RALGAPB: variants seen among roughly 807,000 people sequenced by gnomAD.
RALGAPB encodes the protein Ral GTPase activating protein non-catalytic subunit beta, also known as ral GTPase-activating protein subunit beta.
A neutral mutation model predicts 161.1 loss-of-function variants in RALGAPB; 25 were observed. That is an observed-to-expected ratio of 0.16 (90% CI 0.11 to 0.22). RALGAPB has a LOEUF of 0.22. Ranked by LOEUF, RALGAPB falls within the 10% of genes least tolerant of loss-of-function variation. RALGAPB has a pLI of 1.00. For synonymous variants in RALGAPB, 629 were observed against 626.1 expected, an observed-to-expected ratio of 1.00 and a Z score of -0.07; for missense variants, 1,391 against 1,815.2, an observed-to-expected ratio of 0.77 and a Z score of 4.25.
At chr20:38,506,087 A>C (rs1233483220) in intron 5 of RALGAPB, among the ~76,000 whole-genome samples, 1 of 152,212 alleles carries the variant, frequency 6.6e-6, no homozygotes, top group African/African-American at 2.4e-5. Flanking sequence ...ATCTGTGCAA[A>C]TGAAGGGATG....
intron 16 of RALGAPB, among the ~76,000 whole-genome samples, chr20:38,537,429 C>CT (rs2086840546): frequency 6.6e-6 from 1 of 152,186 alleles, no homozygotes; most frequent in Admixed American, 6.5e-5. Context: ...CCAGTCTGGG[C>CT]AACATAGTGA....
intron 7 of RALGAPB, 107 bp downstream of exon 7, chr20:38,516,477 T>G (rs1378453874): frequency 4.5e-6 from 5 of 1,101,788 alleles, no homozygotes; most frequent in Non-Finnish European, 6.2e-6. Flanking sequence ...GATGAACAGA[T>G]TTGATGACAA....
rs142356310 is a variant in RALGAPB, at chr20:38,550,349, A to T, written c.3010-722A>T. Among the ~76,000 whole-genome samples the T allele has an allele frequency of 2.1e-3, 323 of 152,350 alleles. 1 individual carries two copies. The highest frequency in any genetic ancestry group is 7.3e-3 in the African/African-American group (304 of 41,584). On this transcript the variant is annotated intron_variant, in intron 20 of 29. Coordinates refer to ENST00000262879, the MANE Select transcript of RALGAPB (RefSeq NM_020336.4). Reference sequence around the variant, plus strand: ...AAATGTGACTTAATATTTCACTAGCATTTGAGAGACACCACAAAATTGGAG... The same window carrying T: ...AAATGTGACTTAATATTTCACTAGCTTTTGAGAGACACCACAAAATTGGAG...
intron 13 of RALGAPB, among the ~76,000 whole-genome samples, chr20:38,529,102 T>C (rs1217049028): frequency 6.6e-6 from 1 of 152,210 alleles, no homozygotes; most frequent in African/African-American, 2.4e-5. Context: ...GATCCACATA[T>C]AACTTTTTGA....
At chr20:38,490,468 A>G (rs551804421) in intron 2 of RALGAPB, among the ~76,000 whole-genome samples, 16 of 150,972 alleles carry the variant, frequency 1.1e-4, no homozygotes, top group African/African-American at 3.2e-4. Context: ...TCGGCCTCCC[A>G]AAGTGCTGGT....
rs1568947049 is a variant in RALGAPB, at chr20:38,531,154, A to T, written c.2051-13A>T. On this transcript the variant is annotated splice_polypyrimidine_tract_variant and intron_variant, in intron 13 of 29. Coordinates refer to ENST00000262879, the MANE Select transcript of RALGAPB (RefSeq NM_020336.4). Reference sequence around the variant, plus strand: ...TGTATTTTATATAAAATACTGTTTTATTGTTGTTGTAGGGGCAATGTTAAA... The same window carrying T: ...TGTATTTTATATAAAATACTGTTTTTTTGTTGTTGTAGGGGCAATGTTAAA... The T allele has an allele frequency of 6.3e-7, 1 of 1,590,620 alleles. No homozygotes were observed. The highest frequency in any genetic ancestry group is 1.7e-5 in the Admixed American group (1 of 59,688).
chr20:38,491,944 A>G (rs915509305), intron 2 of RALGAPB, among the ~76,000 whole-genome samples: 2 of 152,102 alleles, frequency 1.3e-5, no homozygotes, highest in Non-Finnish European at 2.9e-5. Context: ...ATTTGTCTCA[A>G]AGTTTTGTCT....
intron 15 of RALGAPB, 69 bp from the exon 16 acceptor site, chr20:38,535,005 G>C: frequency 6.5e-7 from 1 of 1,538,706 alleles, no homozygotes. Context: ...AGTGGATGCT[G>C]TGCTTCTCGT....
intron 5 of RALGAPB, among the ~76,000 whole-genome samples, chr20:38,501,972 A>G (rs1600870099): frequency 1.3e-5 from 2 of 152,376 alleles, no homozygotes; most frequent in Non-Finnish European, 2.9e-5. Flanking sequence ...CAAATGTATT[A>G]TACTAAATTA....
intron 18 of RALGAPB, among the ~76,000 whole-genome samples, chr20:38,542,119 A>T (rs2086991257): frequency 6.6e-6 from 1 of 152,228 alleles, no homozygotes. Context: ...AGGTGGAACC[A>T]TAGTACACGT....
At chr20:38,562,725 G>A in intron 24 of RALGAPB, 28 bp downstream of exon 24, 2 of 1,551,456 alleles carry the variant, frequency 1.3e-6, no homozygotes, top group Non-Finnish European at 1.7e-6. Context: ...TCAAATGTCA[G>A]TTGTTTCTTG....
chr20:38,516,067 T>C (rs908450472), intron 6 of RALGAPB, 125 bp from the exon 7 acceptor site: 4 of 714,446 alleles, frequency 5.6e-6, no homozygotes, highest in Non-Finnish European at 8.6e-6. Context: ...GCCCATTAAA[T>C]ACAAATCAGT....
intron 6 of RALGAPB, among the ~76,000 whole-genome samples, chr20:38,509,435 G>A (rs999201898): frequency 7.9e-5 from 12 of 152,220 alleles, no homozygotes; most frequent in Non-Finnish European, 1.8e-4. Context: ...CTCTAGGAAC[G>A]CGTTCCCTGT....
At position 38,535,120 on chromosome 20, in the gene RALGAPB, T is replaced by C. The variant is rs1311717329; in HGVS notation, c.2292T>C (p.His764=). Residue 764 remains histidine, a synonymous_variant, in exon 16 of 30, where the codon CAT becomes CAC. Transcript: ENST00000262879. ...SAAGLLIRSI[H]LVTQRLNSQW... is the part of the protein sequence containing the mutation. ...CTGGGCTCCTGATTCGCAGCATTCATCTCGTCACCCAAAGACTCAACTCCC... is the reference window on the plus strand; with the variant it reads ...CTGGGCTCCTGATTCGCAGCATTCACCTCGTCACCCAAAGACTCAACTCCC... 2 of 1,613,884 alleles carry C rather than the reference T, an allele frequency of 1.2e-6. No homozygotes were observed. Among genetic ancestry groups the C allele is most frequent in the Non-Finnish European group, 1.7e-6 (2 of 1,179,842 alleles).
chr20:38,488,627 T>G lies in RALGAPB; in HGVS notation c.186+9T>G, dbSNP rs1276008526. 1.3e-6 allele frequency: 2 copies of G among 1,599,088 alleles called. No individual in the cohort carries two copies. Among genetic ancestry groups the G allele is most frequent in the Non-Finnish European group, 1.7e-6 (2 of 1,170,208 alleles). ...TAAAAACTGACAAAGAAGTAAGTGT[T>G]TCTAAATTTCATTCTCTTATATGAA... On this transcript the variant is annotated intron_variant, in intron 2 of 29. Transcript: ENST00000262879.
At chr20:38,544,513 G>A (rs2087089705) in intron 18 of RALGAPB, among the ~76,000 whole-genome samples, 1 of 152,122 alleles carries the variant, frequency 6.6e-6, no homozygotes, top group Non-Finnish European at 1.5e-5. Flanking sequence ...TGTCACCCAG[G>A]CTGGAGTGCA....
intron 5 of RALGAPB, among the ~76,000 whole-genome samples, chr20:38,504,319 A>G (rs1303570): frequency 0.63 from 96,430 of 152,172 alleles, 35,325 homozygotes; most frequent in East Asian, 0.91. Context: ...GTCAATAAAA[A>G]CAAGCAATGG....
rs771699877 is a variant in RALGAPB, at chr20:38,535,045, T to C, written c.2246-29T>C. 3.1e-6 allele frequency: 5 copies of C among 1,609,980 alleles called. No individual in the cohort carries two copies. In the South Asian group the frequency reaches 5.5e-5, roughly 18 times the overall value. ...AATGCTTAGTTGTTTTCCCTCCCTG[T>C]GGGATGTGGCATTGGGGTTATATCC... On this transcript the variant is annotated intron_variant, in intron 15 of 29. Coordinates refer to ENST00000262879, the MANE Select transcript of RALGAPB (RefSeq NM_020336.4).
At position 38,485,909 on chromosome 20, in the gene RALGAPB, TC is replaced by T. The variant is rs1383494660; in HGVS notation, c.-30-2493del. Among the ~76,000 whole-genome samples the T allele has an allele frequency of 3.3e-5, 5 of 151,994 alleles. 1 individual carries two copies. In the South Asian group the frequency reaches 1.0e-3, roughly 31 times the overall value. On this transcript the variant is annotated intron_variant, in intron 1 of 29. Transcript: ENST00000262879. The stretch of plus-strand genomic sequence containing the variant: ...TTTTGTTAAAGTTTAGCATCTTTTT[TC>T]TGTTACATATATTTTGATGTTTTAG...
Sources: allele counts gnomAD v4.1 joint callset (sites outside exome capture counted in the v4.1 genomes callset), GRCh38; gene constraint gnomAD v4.1.1; transcripts MANE v1.5; gene names NCBI Gene and HGNC (gene_info 2026-07-23, HGNC 2026-07-21).